The following AUTS2 variants were observed in gnomAD, a reference collection of about 807,000 sequenced individuals.
AUTS2 encodes activator of transcription and developmental regulator AUTS2, also known as autism susceptibility gene 2 protein.
In AUTS2, 17 loss-of-function variants were observed where a neutral mutation model predicts 112.4. That is an observed-to-expected ratio of 0.15 (90% CI 0.10 to 0.23). The LOEUF (loss-of-function observed/expected upper bound fraction) is 0.23. Among genes scored for constraint, AUTS2 ranks in the 10% least tolerant of loss-of-function variants. The pLI, the probability that AUTS2 is intolerant of heterozygous loss-of-function variation, is 1.00. For missense variants in AUTS2, 1,510 were observed against 1,701.6 expected (o/e 0.89, Z 1.98); for synonymous variants, 751 against 702.7 (o/e 1.07, Z -1.09).
At chr7:70,697,368 A>G (rs551961677) in intron 5 of AUTS2, among the ~76,000 whole-genome samples, 1 of 152,326 alleles carries the variant, frequency 6.6e-6, no homozygotes, top group Admixed American at 6.5e-5. Context: ...TTAGAATTAA[A>G]ATAAAGCAAA....
chr7:70,001,768 T>A (rs972192399), intron 2 of AUTS2, among the ~76,000 whole-genome samples: 1 of 150,674 alleles, frequency 6.6e-6, no homozygotes, highest in Admixed American at 6.7e-5. Context: ...TGGAATGCAG[T>A]GGCCTGATCT....
At chr7:70,153,077 C>G (rs900328950) in intron 4 of AUTS2, among the ~76,000 whole-genome samples, 7 of 151,770 alleles carry the variant, frequency 4.6e-5, no homozygotes, top group African/African-American at 1.7e-4. Context: ...GGGTTTTTAC[C>G]CAAGAGAAAA....
chr7:69,847,242 C>T (rs1792246938), intron 1 of AUTS2, among the ~76,000 whole-genome samples: 1 of 152,184 alleles, frequency 6.6e-6, no homozygotes, highest in African/African-American at 2.4e-5. Context: ...ATTAATTCAT[C>T]CTTTAATTCC....
intron 5 of AUTS2, among the ~76,000 whole-genome samples, chr7:70,628,437 C>A (rs1805077678): frequency 6.6e-6 from 1 of 151,064 alleles, no homozygotes. Context: ...GCTTAAGGAC[C>A]TTTACTTTTT....
chr7:69,778,801 G>A (rs553843603), intron 1 of AUTS2, among the ~76,000 whole-genome samples: 1 of 152,116 alleles, frequency 6.6e-6, no homozygotes, highest in East Asian at 1.9e-4. Flanking sequence ...ACTGAGGTGT[G>A]GGTCACCACC....
intron 2 of AUTS2, among the ~76,000 whole-genome samples, chr7:70,091,447 C>T (rs1226283214): frequency 1.3e-5 from 2 of 152,108 alleles, no homozygotes; most frequent in Non-Finnish European, 2.9e-5. Flanking sequence ...GACCCATTTA[C>T]AAAATACACT....
intron 2 of AUTS2, among the ~76,000 whole-genome samples, chr7:69,932,570 T>C (rs1796266271): frequency 6.6e-6 from 1 of 152,212 alleles, no homozygotes; most frequent in South Asian, 2.1e-4. Flanking sequence ...GCTAGAGCTA[T>C]TTCAGAATTT....
rs541650196 is a variant in AUTS2, at chr7:69,601,295, AT to A, written c.309+1344del. ...TCCTGAAGGAAACTTTTCCCTTTCC[AT>A]TTTTTTTTTTGCGTTATTATGGTAT... is the stretch of plus-strand genomic sequence containing the variant. On this transcript the variant is annotated intron_variant, in intron 1 of 18. Transcript: ENST00000342771. Among the ~76,000 whole-genome samples the A allele has an allele frequency of 8.2e-3, 1,187 of 145,204 alleles. 11 individuals are homozygous for A. Among genetic ancestry groups the A allele is most frequent in the African/African-American group, 0.025 (996 of 39,800 alleles).
chr7:70,616,158 G>A (rs1245746732), intron 5 of AUTS2, among the ~76,000 whole-genome samples: 1 of 152,228 alleles, frequency 6.6e-6, no homozygotes, highest in Non-Finnish European at 1.5e-5. Context: ...TATTCTGTTA[G>A]TGAGTTCACT....
chr7:69,801,413 T>C (rs867809524), intron 1 of AUTS2, among the ~76,000 whole-genome samples: 1 of 151,070 alleles, frequency 6.6e-6, no homozygotes, highest in South Asian at 2.1e-4. Context: ...TTGATGGTCT[T>C]ATTGATATAC....
At chr7:70,528,093 A>ATTTTTTTTTTTTTTTTTTT (rs10651355) in intron 5 of AUTS2, among the ~76,000 whole-genome samples, 1 of 97,278 alleles carries the variant, frequency 1.0e-5, no homozygotes, top group African/African-American at 4.5e-5. Context: ...AAATTTAAGG[A>ATTTTTTTTTTTTTTTTTTT]TTTTTTTTTT....
chr7:69,758,613 A>G (rs1405216332), intron 1 of AUTS2, among the ~76,000 whole-genome samples: 2 of 152,234 alleles, frequency 1.3e-5, no homozygotes, highest in Admixed American at 6.5e-5. Context: ...AAATGTATCT[A>G]AACTCTAAAA....
intron 4 of AUTS2, among the ~76,000 whole-genome samples, chr7:70,147,561 C>T (rs1401437287): frequency 6.6e-6 from 1 of 152,062 alleles, no homozygotes; most frequent in South Asian, 2.1e-4. Flanking sequence ...GTGCTATAGA[C>T]GATGCCTAGT....
At chr7:69,817,895 T>C (rs1040449010) in intron 1 of AUTS2, among the ~76,000 whole-genome samples, 2 of 152,144 alleles carry the variant, frequency 1.3e-5, no homozygotes, top group Non-Finnish European at 2.9e-5. Context: ...ATGGTAATGT[T>C]TTTTGCTGAT....
intron 2 of AUTS2, among the ~76,000 whole-genome samples, chr7:69,910,273 C>T (rs763032852): frequency 3.3e-5 from 5 of 152,210 alleles, no homozygotes; most frequent in Non-Finnish European, 7.3e-5. Context: ...GGTACCTTCT[C>T]TCTGAGTATT....
rs1196040328 is a variant in AUTS2, at chr7:70,790,395, G to A, written c.3179G>A (p.Arg1060His). ...ATCAGCCCCCTCCCGGGCGGAGAGC[G>A]CTTCCCGTACCCTTCTTTCCACTGG... ...MGISPLPGGE[R>H]FPYPSFHWDP... The change falls in exon 19 of 19, where the codon CGC becomes CAC. Residue 1060 changes from arginine (R) to histidine (H), a missense_variant. Physicochemically the swap from Arg to His is conservative, Grantham distance 29 (BLOSUM62 0). Around this residue, in one of 3 missense-constraint regions of AUTS2, gnomAD observed 788 missense variants for 797.6 expected, o/e 0.99. Coordinates refer to ENST00000342771, the MANE Select transcript of AUTS2 (RefSeq NM_015570.4). The surrounding 1 kb of genome is among the most constrained non-coding windows in gnomAD (Gnocchi z 7.6). 21 of 1,613,518 alleles carry A rather than the reference G, an allele frequency of 1.3e-5. No homozygotes were observed. The highest frequency in any genetic ancestry group is 4.0e-5 in the African/African-American group (3 of 74,914).
chr7:70,580,301 T>C (rs1802374347), intron 5 of AUTS2, among the ~76,000 whole-genome samples: 1 of 152,200 alleles, frequency 6.6e-6, no homozygotes, highest in East Asian at 1.9e-4. Flanking sequence ...GCCTGCTGAA[T>C]GGGAATGGGG....
At chr7:70,077,399 A>C (rs1803085937) in intron 2 of AUTS2, among the ~76,000 whole-genome samples, 1 of 152,200 alleles carries the variant, frequency 6.6e-6, no homozygotes, top group African/African-American at 2.4e-5. Context: ...TATGGTTGAA[A>C]TGCTGACTTT....
At chr7:70,193,294 A>T (rs1810000791) in intron 4 of AUTS2, among the ~76,000 whole-genome samples, 1 of 152,230 alleles carries the variant, frequency 6.6e-6, no homozygotes, top group South Asian at 2.1e-4. Flanking sequence ...GAGGGAAAAG[A>T]AACGGCTTTT....
Sources: gnomAD v4.1 joint callset for allele counts (sites outside exome capture counted in the v4.1 genomes callset) on GRCh38, gnomAD v4.1.1 for gene constraint, gnomAD v4.1.1 regional missense constraint, Gnocchi (gnomAD v3.1) non-coding constraint, MANE v1.5 for transcripts, NCBI Gene and HGNC (gene_info 2026-07-23, HGNC 2026-07-21) for gene names.